Variants in ETFA observed in about 807,000 individuals in gnomAD.
The protein encoded by ETFA is electron transfer flavoprotein subunit alpha, mitochondrial.
ETFA carries 22 observed loss-of-function variants against 46.2 expected under a neutral mutation model. That is an observed-to-expected ratio of 0.48 (90% CI 0.34 to 0.68). The LOEUF (loss-of-function observed/expected upper bound fraction) is 0.68, where lower values mean the gene tolerates loss of function less well. ETFA is among the 30% of genes least tolerant of loss of function. ETFA has a pLI of 0.01. For synonymous variants in ETFA, 131 were observed against 139.9 expected (o/e 0.94, Z 0.45); for missense variants, 345 against 401.1 (o/e 0.86, Z 1.19).
intron 8 of ETFA, among the ~76,000 whole-genome samples, chr15:76,279,571 C>T (rs2039628163): frequency 2.6e-5 from 4 of 152,140 alleles, no homozygotes; most frequent in Admixed American, 2.6e-4. Flanking sequence ...GTCACTGCAC[C>T]TGGCCAGAAT....
intron 1 of ETFA, among the ~76,000 whole-genome samples, chr15:76,306,129 G>A (rs2039937589): frequency 1.3e-5 from 2 of 152,144 alleles, no homozygotes; most frequent in South Asian, 4.2e-4. Context: ...AAAAAAGCTG[G>A]AATCTAACTC....
chr15:76,279,965 C>T (rs1019896348), intron 8 of ETFA, among the ~76,000 whole-genome samples: 1 of 151,374 alleles, frequency 6.6e-6, no homozygotes, highest in Non-Finnish European at 1.5e-5. Context: ...CAGGCACAAT[C>T]ATAACACAAT....
chr15:76,307,858 G>A (rs1725620563), intron 1 of ETFA, among the ~76,000 whole-genome samples: 1 of 152,050 alleles, frequency 6.6e-6, no homozygotes, highest in South Asian at 2.1e-4. Context: ...TCTTTTAACT[G>A]TAATTCCTAA....
chr15:76,270,903 C>T (rs927547080), intron 9 of ETFA, among the ~76,000 whole-genome samples: 10 of 152,100 alleles, frequency 6.6e-5, no homozygotes, highest in Non-Finnish European at 1.3e-4. Flanking sequence ...GGCATAGTGG[C>T]TCATGCTTGT....
chr15:76,311,243 C>T, intron 1 of ETFA, 107 bp downstream of exon 1: 2 of 1,346,042 alleles, frequency 1.5e-6, no homozygotes, highest in Non-Finnish European at 2.1e-6. Flanking sequence ...CCTGCGGGCG[C>T]GAGGGCTGGT....
chr15:76,231,725 C>G (rs1249408157), intron 9 of ETFA, among the ~76,000 whole-genome samples: 3 of 152,154 alleles, frequency 2.0e-5, no homozygotes. Context: ...CATTTTTCAT[C>G]TGTGGCACTC....
chr15:76,245,637 TATGA>T (rs1192294821), intron 9 of ETFA, among the ~76,000 whole-genome samples: 1 of 152,226 alleles, frequency 6.6e-6, no homozygotes, highest in Non-Finnish European at 1.5e-5. Context: ...GTCTCACCAT[TATGA>T]ATGGACAGTT....
At chr15:76,233,502 G>A (rs2039091648) in intron 9 of ETFA, among the ~76,000 whole-genome samples, 1 of 151,746 alleles carries the variant, frequency 6.6e-6, no homozygotes, top group South Asian at 2.1e-4. Flanking sequence ...GCTAATTTTT[G>A]TATTTTTAGT....
Position 76,225,943 on chromosome 15 carries a change from A to T in ETFA, c.883-14T>A, listed in dbSNP as rs2038999587. On this transcript the variant is annotated splice_polypyrimidine_tract_variant and intron_variant, in intron 10 of 11. Transcript: ENST00000557943. Reference sequence around the variant, plus strand: ...TGCCACAATTGTCTGTGAAATAAAAACAAAGAGTTTGACTTTTACCAAGAA... The same window carrying T: ...TGCCACAATTGTCTGTGAAATAAAATCAAAGAGTTTGACTTTTACCAAGAA... 3.2e-6 allele frequency: 5 copies of T among 1,554,506 alleles called. No individual in the cohort carries two copies. Among genetic ancestry groups the T allele is most frequent in the Non-Finnish European group, 4.4e-6 (5 of 1,126,052 alleles).
chr15:76,297,374 A>G (rs922122892), intron 1 of ETFA, among the ~76,000 whole-genome samples: 1 of 151,354 alleles, frequency 6.6e-6, no homozygotes, highest in Non-Finnish European at 1.5e-5. Flanking sequence ...ATAATTAAAT[A>G]AAATTAATAA....
At chr15:76,276,195 T>C (rs764515024) in intron 8 of ETFA, among the ~76,000 whole-genome samples, 3 of 152,132 alleles carry the variant, frequency 2.0e-5, no homozygotes, top group Non-Finnish European at 4.4e-5. Context: ...TTCTCTTCCA[T>C]TTTTAAAGGA....
chr15:76,226,129 C>T, intron 10 of ETFA, 200 bp from the exon 11 acceptor site: 3 of 562,882 alleles, frequency 5.3e-6, no homozygotes, highest in South Asian at 4.4e-5. Flanking sequence ...CACATCTAGC[C>T]CATCTCAGTA....
At chr15:76,273,553 CAAACAAAACAAAACA>C (rs144721416) in intron 9 of ETFA, among the ~76,000 whole-genome samples, 79 of 149,996 alleles carry the variant, frequency 5.3e-4, no homozygotes, top group African/African-American at 1.7e-3. Flanking sequence ...AGACTCATCT[CAAACAAAACAAAACA>C]AAACAAAACA....
chr15:76,286,999 TC>T (rs2039710534), intron 5 of ETFA, among the ~76,000 whole-genome samples: 1 of 152,194 alleles, frequency 6.6e-6, no homozygotes, highest in African/African-American at 2.4e-5. Context: ...CAAAATATTT[TC>T]CCTCAAACAT....
chr15:76,246,268 G>C (rs191508293), intron 9 of ETFA, among the ~76,000 whole-genome samples: 1 of 152,156 alleles, frequency 6.6e-6, no homozygotes, highest in Admixed American at 6.6e-5. Context: ...CTACAGAGGG[G>C]TTAAGTGATT....
At chr15:76,264,322 AAC>A (rs2039448759) in intron 9 of ETFA, among the ~76,000 whole-genome samples, 1 of 152,234 alleles carries the variant, frequency 6.6e-6, no homozygotes, top group Middle Eastern at 3.2e-3. Context: ...GGCAAGGGAA[AAC>A]ACACAAGTGC....
intron 11 of ETFA, among the ~76,000 whole-genome samples, chr15:76,219,473 A>G (rs1009473895): frequency 6.6e-6 from 1 of 152,232 alleles, no homozygotes; most frequent in Non-Finnish European, 1.5e-5. Flanking sequence ...AAAAAGATAA[A>G]TTGGACTTCA....
At chr15:76,263,361 T>C (rs2039437214) in intron 9 of ETFA, among the ~76,000 whole-genome samples, 3 of 152,042 alleles carry the variant, frequency 2.0e-5, no homozygotes, top group Admixed American at 2.0e-4. Flanking sequence ...AAGACCACAG[T>C]GAAGGAACGC....
At chr15:76,256,181 C>T (rs2039343682) in intron 9 of ETFA, among the ~76,000 whole-genome samples, 1 of 150,508 alleles carries the variant, frequency 6.6e-6, no homozygotes, top group Non-Finnish European at 1.5e-5. Context: ...TCACTTGAAC[C>T]CGGGAGGTGG....
Sources: allele counts gnomAD v4.1 joint callset (sites outside exome capture counted in the v4.1 genomes callset), GRCh38; gene constraint gnomAD v4.1.1; transcripts MANE v1.5; gene names NCBI Gene and HGNC (gene_info 2026-07-23, HGNC 2026-07-21).